The following ITGB2 variants were observed in gnomAD, a reference collection of about 807,000 sequenced individuals.
ITGB2 encodes integrin subunit beta 2, also known as integrin beta-2.
A neutral mutation model predicts 86.8 loss-of-function variants in ITGB2; 56 were observed. The ratio of observed to expected loss-of-function variants is 0.65; its 90% CI spans 0.52 to 0.81. The LOEUF (loss-of-function observed/expected upper bound fraction) is 0.81. Ranked by LOEUF, ITGB2 falls within the 30% of genes least tolerant of loss-of-function variation. The pLI, the probability that ITGB2 is intolerant of heterozygous loss-of-function variation, is 0.00. For missense variants in ITGB2, 948 were observed against 1,061.2 expected (o/e 0.89, Z 1.48); for synonymous variants, 457 against 450.4 (o/e 1.01, Z -0.19).
chr21:44,894,743 G>A, intron 9 of ITGB2: 1 of 591,210 alleles, frequency 1.7e-6, no homozygotes, highest in Non-Finnish European at 3.1e-6. Flanking sequence ...CAGGTTTCAG[G>A]GAGCATCGCC....
chr21:44,904,356 T>A (rs1031806128), intron 4 of ITGB2, among the ~76,000 whole-genome samples: 2 of 150,854 alleles, frequency 1.3e-5, no homozygotes, highest in Non-Finnish European at 3.0e-5. Flanking sequence ...CAGTCACACA[T>A]GGCATACACA....
At chr21:44,912,384 C>T (rs1263816814) in intron 1 of ITGB2, among the ~76,000 whole-genome samples, 5 of 152,202 alleles carry the variant, frequency 3.3e-5, no homozygotes, top group African/African-American at 1.2e-4. Flanking sequence ...AACGGAACAC[C>T]CACCAGGGGC....
chr21:44,889,152 C>T (rs992501660), intron 13 of ITGB2, 124 bp downstream of exon 13: 38 of 940,166 alleles, frequency 4.0e-5, no homozygotes, highest in East Asian at 5.1e-5. Flanking sequence ...TCAGTCCAGA[C>T]GCACCCGCAG....
chr21:44,888,939 G>GT, intron 13 of ITGB2, 44 bp from the exon 14 acceptor site: 1 of 1,580,706 alleles, frequency 6.3e-7, no homozygotes, highest in South Asian at 1.1e-5. Context: ...GGTGTGCGGG[G>GT]GCTCCGGCAA....
At position 44,891,838 on chromosome 21, in the gene ITGB2, G is replaced by C. The variant is rs1379399197; in HGVS notation, c.1383C>G (p.Gly461=). ...DQSRDRSLCH[G]KGFLECGICR... ...AGATGCCGCACTCCAAGAAGCCCTT[G>C]CCATGGCAGAGGCTGCGGTCTCTGC... Residue 461 remains glycine, a synonymous_variant, in exon 11 of 16, where the codon GGC becomes GGG. Transcript: ENST00000652462. 1 of 1,609,514 alleles carries C rather than the reference G, an allele frequency of 6.2e-7. No individual in the cohort carries two copies. The highest frequency in any genetic ancestry group is 1.3e-5 in the African/African-American group (1 of 75,060).
rs1181810877 is a variant in ITGB2 at position 44,910,198 on chromosome 21, T to C, written c.147+86A>G. Reference sequence around the variant, plus strand: ...CTCAAAAAGAAAATGGAGTTGTTGGTCCTCTGGGTGCCACTGGCTTCAGGG... The same window carrying C: ...CTCAAAAAGAAAATGGAGTTGTTGGCCCTCTGGGTGCCACTGGCTTCAGGG... On this transcript the variant is annotated intron_variant, in intron 3 of 15. Transcript: ENST00000652462. 5.2e-6 allele frequency: 8 copies of C among 1,530,694 alleles called. No individual in the cohort carries two copies. In the Admixed American group the frequency reaches 1.3e-4, roughly 26 times the overall value. The allele number at this position is 1,530,694 out of a possible 1,614,324, so 94.8% of individuals were successfully genotyped here.
rs780003137 is a variant in ITGB2, at chr21:44,895,075, G to A, written c.994-15C>T. On this transcript the variant is annotated splice_polypyrimidine_tract_variant and intron_variant, in intron 8 of 15. Transcript: ENST00000652462. Reference sequence around the variant, plus strand: ...TCGGTGAGTTTCTGTTGGGCAAGAAGACCAGACATGGCACGGCTAGGACCT... The same window carrying A: ...TCGGTGAGTTTCTGTTGGGCAAGAAAACCAGACATGGCACGGCTAGGACCT... 115 of 1,596,364 alleles carry A rather than the reference G, an allele frequency of 7.2e-5. No homozygotes were observed. Among genetic ancestry groups the A allele is most frequent in the Non-Finnish European group, 9.8e-5 (114 of 1,164,858 alleles).
chr21:44,888,721 G>A lies in ITGB2; in HGVS notation c.2052C>T (p.Arg684=), dbSNP rs756282183. ...GGCTCTCATCCACATAGATGAGGTAGCGGTCCATCCCGTCCTGCTGCTCCA... is the reference window on the plus strand; with the variant it reads ...GGCTCTCATCCACATAGATGAGGTAACGGTCCATCCCGTCCTGCTGCTCCA... ...YTLEQQDGMD[R]YLIYVDESRE... is the part of the protein sequence containing the mutation. The change falls in exon 14 of 16, where the codon CGC becomes CGT. Residue 684 remains arginine, a synonymous_variant. Coordinates refer to ENST00000652462, the MANE Select transcript of ITGB2 (RefSeq NM_000211.5). 3.1e-6 allele frequency: 5 copies of A among 1,610,420 alleles called. No individual in the cohort carries two copies. The highest frequency in any genetic ancestry group is 4.2e-6 in the Non-Finnish European group (5 of 1,179,960).
At chr21:44,889,008 T>A (rs908480143) in intron 13 of ITGB2, 113 bp from the exon 14 acceptor site, 34 of 907,406 alleles carry the variant, frequency 3.7e-5, no homozygotes, top group Non-Finnish European at 5.7e-5. Context: ...TGGGGCGCCC[T>A]CAGGCCAAGG....
intron 15 of ITGB2, 81 bp downstream of exon 15, chr21:44,886,655 C>G (rs1601277179): frequency 1.3e-6 from 2 of 1,587,652 alleles, no homozygotes; most frequent in African/African-American, 2.7e-5. Flanking sequence ...CACGGGTGTC[C>G]ACGGCCTCCC....
intron 9 of ITGB2, 62 bp downstream of exon 9, chr21:44,894,909 C>T (rs1220406772): frequency 8.8e-7 from 1 of 1,135,486 alleles, no homozygotes; most frequent in Non-Finnish European, 1.3e-6. Flanking sequence ...CAGGAGCTGA[C>T]CTGCAGTGGG....
intron 12 of ITGB2, 135 bp from the exon 13 acceptor site, chr21:44,889,630 G>C: frequency 2.2e-6 from 2 of 918,200 alleles, no homozygotes; most frequent in Middle Eastern, 3.2e-4. Context: ...AAAAGGCATG[G>C]GGCCACTAGC....
upstream of ITGB2, among the ~76,000 whole-genome samples, chr21:44,921,934 G>A (rs2084311478): frequency 6.6e-6 from 1 of 152,162 alleles, no homozygotes; most frequent in African/African-American, 2.4e-5. Flanking sequence ...ATGTTGACCA[G>A]GCTGGTCTTG....
At position 44,910,312 on chromosome 21, in the gene ITGB2, C is replaced by T. The variant is rs778923736; in HGVS notation, c.119G>A (p.Gly40Glu). ...VSSCRECIES[G>E]PGCTWCQKLN... ...CTTCTGGCACCAGGTGCAGCCGGGC[C>T]CCGACTCGATGCATTCCCGGCAGCT... Residue 40 changes from glycine to glutamate, a missense_variant, in exon 3 of 16, where the codon GGG (glycine) becomes GAG (glutamate). Transcript: ENST00000652462. 6.2e-7 allele frequency: 1 copy of T among 1,614,110 alleles called. No individual in the cohort carries two copies. The highest frequency in any genetic ancestry group is 8.5e-7 in the Non-Finnish European group (1 of 1,180,014).
chr21:44,901,388 C>T (rs2146526540), intron 6 of ITGB2, 104 bp downstream of exon 6: 1 of 1,447,558 alleles, frequency 6.9e-7, no homozygotes, highest in South Asian at 1.3e-5. Context: ...TGGAGTCCCT[C>T]AGACGACCTG....
At chr21:44,901,786 G>A in intron 5 of ITGB2, 53 bp from the exon 6 acceptor site, 1 of 1,574,916 alleles carries the variant, frequency 6.3e-7, no homozygotes, top group Non-Finnish European at 8.6e-7. Flanking sequence ...CCAGGTGGGA[G>A]GGCCAGCTTC....
intron 1 of ITGB2, among the ~76,000 whole-genome samples, chr21:44,926,214 C>A (rs9976532): frequency 0.23 from 30,944 of 132,090 alleles, 3,298 homozygotes; most frequent in East Asian, 0.33. Flanking sequence ...AGAGCCGTGA[C>A]CTTGCTATGG....
intron 4 of ITGB2, 31 bp from the exon 5 acceptor site, chr21:44,903,566 C>A: frequency 6.2e-7 from 1 of 1,613,250 alleles, no homozygotes; most frequent in South Asian, 1.1e-5. Context: ...AAAGGAGCCA[C>A]ACCTCACATC....
intron 1 of ITGB2, 25 bp from the exon 2 acceptor site, chr21:44,910,810 A>G (rs746743781): frequency 6.2e-7 from 1 of 1,609,110 alleles, no homozygotes; most frequent in South Asian, 1.1e-5. Flanking sequence ...GGTCTTGGTG[A>G]CGGTCTCAGG....
Sources: gnomAD v4.1 joint callset for allele counts (sites outside exome capture counted in the v4.1 genomes callset) on GRCh38, gnomAD v4.1.1 for gene constraint, MANE v1.5 for transcripts, NCBI Gene and HGNC (gene_info 2026-07-23, HGNC 2026-07-21) for gene names.